The following CACNB2 variants were observed in gnomAD, a reference collection of about 807,000 sequenced individuals.
The protein encoded by CACNB2 is voltage-dependent L-type calcium channel subunit beta-2.
Under a neutral mutation model 73.3 loss-of-function variants are expected in CACNB2, and 42 were observed. The ratio of observed to expected loss-of-function variants is 0.57; its 90% confidence interval spans 0.45 to 0.74. CACNB2 has a LOEUF of 0.74. Among genes scored for constraint, CACNB2 ranks in the 30% least tolerant of loss-of-function variants. CACNB2 has a pLI of 0.00. For synonymous variants in CACNB2, 348 were observed against 310.3 expected (o/e 1.12, Z -1.28); for missense variants, 940 against 853.0 (o/e 1.10, Z -1.27).
At chr10:18,245,812 A>G (rs1159274367) in intron 2 of CACNB2, among the ~76,000 whole-genome samples, 8 of 152,154 alleles carry the variant, frequency 5.3e-5, no homozygotes, top group African/African-American at 1.9e-4. Flanking sequence ...AGGTGAAGGT[A>G]TGGGGTGGGA....
intron 3 of CACNB2, among the ~76,000 whole-genome samples, chr10:18,496,101 G>A (rs970293186): frequency 2.7e-5 from 4 of 146,530 alleles, no homozygotes; most frequent in Non-Finnish European, 3.0e-5. Flanking sequence ...TAGAAGAATC[G>A]CTTGAACCTG....
At chr10:18,203,570 A>G (rs1289113239) in intron 2 of CACNB2, among the ~76,000 whole-genome samples, 1 of 152,222 alleles carries the variant, frequency 6.6e-6, no homozygotes, top group East Asian at 1.9e-4. Flanking sequence ...AGGGGGAAAC[A>G]TGAATAAATA....
chr10:18,421,556 T>A (rs2132722713), intron 3 of CACNB2, among the ~76,000 whole-genome samples: 1 of 152,254 alleles, frequency 6.6e-6, no homozygotes, highest in Admixed American at 6.5e-5. Context: ...CACCTCAACC[T>A]CCCAAAGTTC....
intron 3 of CACNB2, among the ~76,000 whole-genome samples, chr10:18,457,560 C>T (rs1429272381): frequency 2.0e-5 from 3 of 152,108 alleles, no homozygotes; most frequent in Non-Finnish European, 4.4e-5. Context: ...CTTAGCACAG[C>T]AGCAGTCTTT....
At chr10:18,252,856 C>T (rs1454835332) in intron 2 of CACNB2, among the ~76,000 whole-genome samples, 2 of 151,324 alleles carry the variant, frequency 1.3e-5, no homozygotes, top group Non-Finnish European at 3.0e-5. Flanking sequence ...AGGGGAACCT[C>T]TGAAAGGTAG....
chr10:18,408,425 G>T (rs1037838908), intron 3 of CACNB2, among the ~76,000 whole-genome samples: 1 of 151,694 alleles, frequency 6.6e-6, no homozygotes, highest in Non-Finnish European at 1.5e-5. Context: ...TTTTAATAGA[G>T]ACAGAGTTTC....
At chr10:18,290,091 G>C (rs1202264178) in intron 2 of CACNB2, among the ~76,000 whole-genome samples, 1 of 70,844 alleles carries the variant, frequency 1.4e-5, no homozygotes, top group East Asian at 4.7e-4. Flanking sequence ...TCTCTTTAAA[G>C]TTTTTTTCTT....
intron 3 of CACNB2, among the ~76,000 whole-genome samples, chr10:18,417,063 A>G (rs544781518): frequency 1.6e-3 from 237 of 151,814 alleles, no homozygotes; most frequent in African/African-American, 5.6e-3. Flanking sequence ...CTGAGAATGC[A>G]TTAATGTTTC....
chr10:18,343,316 TTTA>T (rs1025869107), intron 2 of CACNB2, among the ~76,000 whole-genome samples: 12 of 152,184 alleles, frequency 7.9e-5, no homozygotes, highest in African/African-American at 2.7e-4. Flanking sequence ...CAGGTTTTTT[TTTA>T]TTATTATTGT....
In CACNB2 at chr10:18,192,597, G is replaced by A. The variant is rs151138324; in HGVS notation, c.213+41622G>A. ...CTCTTTCTAGTTCCAACACATTTCC[G>A]CCACACCTAAGTAAAATTCCTTACC... is the stretch of plus-strand genomic sequence containing the variant. On this transcript the variant is annotated intron_variant, in intron 2 of 13. Transcript: ENST00000324631. 2.6e-5 allele frequency among the ~76,000 whole-genome samples: 4 copies of A among 152,110 alleles called. No homozygotes were observed. The East Asian group carries it at 7.7e-4, about 29-fold the overall frequency.
At chr10:18,389,295 C>G (rs1458190527) in intron 2 of CACNB2, among the ~76,000 whole-genome samples, 4 of 152,126 alleles carry the variant, frequency 2.6e-5, no homozygotes, top group Non-Finnish European at 4.4e-5. Flanking sequence ...TGCCACCATG[C>G]CTGGCTCATT....
At chr10:18,440,482 C>T (rs2046359347) in intron 3 of CACNB2, among the ~76,000 whole-genome samples, 1 of 151,066 alleles carries the variant, frequency 6.6e-6, no homozygotes. Context: ...CCAGATTGGG[C>T]AACATAGTGT....
In CACNB2 at chr10:18,140,815, G is replaced by T; in HGVS notation, c.79G>T (p.Glu27Ter). 1 of 1,604,584 alleles carries T rather than the reference G, an allele frequency of 6.2e-7. No individual in the cohort carries two copies. Residue 27 changes from glutamate (E) to a stop codon, truncating the protein, a stop_gained, in exon 1 of 14, where the codon GAG becomes TAG. Coordinates refer to ENST00000324631, the MANE Select transcript of CACNB2 (RefSeq NM_201596.3). LOFTEE classifies it high-confidence loss of function. ...GCAGGAGATCCAGATGGAACTGCTAGAGAACGTGGCTCCCGCGGGGGCGCT... is the reference window on the plus strand; with the variant it reads ...GCAGGAGATCCAGATGGAACTGCTATAGAACGTGGCTCCCGCGGGGGCGCT... Reference protein sequence around the residue: ...VAQEIQMELLENVAPAGALGA... With the variant: ...VAQEIQMELL
intron 2 of CACNB2, among the ~76,000 whole-genome samples, chr10:18,310,849 C>G (rs937241565): frequency 2.0e-5 from 3 of 151,860 alleles, no homozygotes; most frequent in Non-Finnish European, 2.9e-5. Context: ...TCCCAAAGTG[C>G]TGGTATTACA....
At chr10:18,247,762 T>G (rs916427172) in intron 2 of CACNB2, among the ~76,000 whole-genome samples, 3 of 152,168 alleles carry the variant, frequency 2.0e-5, no homozygotes, top group African/African-American at 7.2e-5. Context: ...CCTCTGAGTT[T>G]CCATAAATTT....
chr10:18,140,581 C>T lies in CACNB2; in HGVS notation c.-156C>T. On this transcript the variant is annotated 5_prime_UTR_variant, in exon 1 of 14. Coordinates refer to ENST00000324631, the MANE Select transcript of CACNB2 (RefSeq NM_201596.3). The stretch of plus-strand genomic sequence containing the variant: ...CACTGAGCGCCTGGCAGCAGGGCGC[C>T]GAGTCCCGGGGCGCTGCGGGGCGCT... The T allele has an allele frequency of 4.1e-6, 2 of 485,014 alleles. No homozygotes were observed. The highest frequency in any genetic ancestry group is 6.8e-6 in the Non-Finnish European group (2 of 295,582). 30.0% of individuals were successfully genotyped at this position (485,014 alleles called of 1,614,324 possible).
chr10:18,536,210 A>C lies in CACNB2; in HGVS notation c.1302+14A>C. The stretch of plus-strand genomic sequence containing the variant: ...CAGTGTCCTCCAGTAAGTTATCTCT[A>C]TATACAGCATAATCCAGTTACAGAG... On this transcript the variant is annotated intron_variant, in intron 12 of 13. Coordinates refer to ENST00000324631, the MANE Select transcript of CACNB2 (RefSeq NM_201596.3). 1 of 1,101,114 alleles carries C rather than the reference A, an allele frequency of 9.1e-7. No individual in the cohort carries two copies. The highest frequency in any genetic ancestry group is 1.4e-6 in the Non-Finnish European group (1 of 733,408). 68.2% of individuals were successfully genotyped at this position (1,101,114 alleles called of 1,614,324 possible).
chr10:18,374,778 C>T (rs935293761), intron 2 of CACNB2, among the ~76,000 whole-genome samples: 1 of 152,096 alleles, frequency 6.6e-6, no homozygotes, highest in South Asian at 2.1e-4. Context: ...CACCCACTGT[C>T]CTTAATGTGT....
intron 3 of CACNB2, among the ~76,000 whole-genome samples, chr10:18,437,464 A>G (rs1459849977): frequency 6.6e-6 from 1 of 152,208 alleles, no homozygotes; most frequent in Non-Finnish European, 1.5e-5. Context: ...GTTAACACAT[A>G]TTTTGTGTGT....
Sources: gnomAD v4.1 joint callset for allele counts (sites outside exome capture counted in the v4.1 genomes callset) on GRCh38, gnomAD v4.1.1 for gene constraint, MANE v1.5 for transcripts, NCBI Gene and HGNC (gene_info 2026-07-23, HGNC 2026-07-21) for gene names.